PLCH1: variants seen among roughly 807,000 people sequenced by gnomAD.
PLCH1 encodes the protein 1-phosphatidylinositol 4,5-bisphosphate phosphodiesterase eta-1.
A neutral mutation model predicts 126.7 loss-of-function variants in PLCH1; 60 were observed. The observed-to-expected ratio is 0.47, with a 90% CI of 0.38 to 0.59. The LOEUF (loss-of-function observed/expected upper bound fraction) is 0.59, where lower values mean the gene tolerates loss of function less well. Ranked by LOEUF, PLCH1 falls within the 20% of genes least tolerant of loss-of-function variation. The probability of loss-of-function intolerance (pLI) is 0.00; values close to 1 mark genes in which losing one functional copy is unlikely to be tolerated. For synonymous variants in PLCH1, 719 were observed against 734.9 expected (o/e 0.98, Z 0.35); for missense variants, 1,723 against 2,040.0 (o/e 0.84, Z 2.99).
At chr3:155,497,105 G>C (rs1314773171) in intron 15 of PLCH1, among the ~76,000 whole-genome samples, 1 of 152,140 alleles carries the variant, frequency 6.6e-6, no homozygotes, top group Non-Finnish European at 1.5e-5. Flanking sequence ...AACTTTCTCT[G>C]GCCTCTGGTC....
At chr3:155,655,885 C>A (rs73156548) in intron 2 of PLCH1, among the ~76,000 whole-genome samples, 8,042 of 151,954 alleles carry the variant, frequency 0.053, 250 homozygotes, top group Middle Eastern at 0.11. Context: ...TTTTAAAATG[C>A]AAATTCTTTG....
At chr3:155,553,827 G>T (rs1471575318) in intron 9 of PLCH1, among the ~76,000 whole-genome samples, 3 of 152,200 alleles carry the variant, frequency 2.0e-5, no homozygotes, top group Non-Finnish European at 4.4e-5. Context: ...GTCACTATTT[G>T]CAAGAATGTC....
intron 2 of PLCH1, among the ~76,000 whole-genome samples, chr3:155,623,148 A>G (rs1489224040): frequency 6.6e-6 from 1 of 151,576 alleles, no homozygotes; most frequent in East Asian, 1.9e-4. Context: ...CTGAATCCTG[A>G]ATGACTACTG....
At position 155,482,589 on chromosome 3, in the gene PLCH1, G is replaced by C; in HGVS notation, c.3437C>G (p.Ser1146Ter). Residue 1146 changes from serine (S) to a stop codon, truncating the protein, a stop_gained, in exon 23 of 23, where the codon TCA becomes TGA. Transcript: ENST00000460012. LOFTEE classifies it low-confidence loss of function (END_TRUNC). ...GTCAGAACAGAGCATGGAGACGTCTGACAAAGAAAAGGATGTTGCAGCTCG... is the reference window on the plus strand; with the variant it reads ...GTCAGAACAGAGCATGGAGACGTCTCACAAAGAAAAGGATGTTGCAGCTCG... ...KGRAATSFSL[S>*]DVSMLCSDIP... The C allele has an allele frequency of 1.2e-6, 2 of 1,614,152 alleles. No individual in the cohort carries two copies. The highest frequency in any genetic ancestry group is 1.7e-6 in the Non-Finnish European group (2 of 1,180,010).
chr3:155,683,024 C>T (rs1202214762), intron 2 of PLCH1, among the ~76,000 whole-genome samples: 2 of 152,226 alleles, frequency 1.3e-5, no homozygotes, highest in African/African-American at 2.4e-5. Context: ...ATAGATCACA[C>T]ACACTTGTCA....
At chr3:155,629,684 T>A (rs982327364) in intron 2 of PLCH1, among the ~76,000 whole-genome samples, 1 of 152,124 alleles carries the variant, frequency 6.6e-6, no homozygotes, top group East Asian at 1.9e-4. Context: ...AATATGGTAT[T>A]TTTAAATGGT....
intron 6 of PLCH1, among the ~76,000 whole-genome samples, chr3:155,578,667 C>A (rs1047370828): frequency 6.6e-6 from 1 of 152,180 alleles, no homozygotes; most frequent in Non-Finnish European, 1.5e-5. Context: ...TATTATATCA[C>A]ACTATGACAG....
intron 21 of PLCH1, chr3:155,485,969 A>C: frequency 1.6e-6 from 1 of 606,076 alleles, no homozygotes; most frequent in South Asian, 2.1e-5. Context: ...GAGATGACAA[A>C]GTGGTAGGAA....
chr3:155,537,181 C>A, intron 10 of PLCH1, among the ~76,000 whole-genome samples: 1 of 91,920 alleles, frequency 1.1e-5, no homozygotes, highest in African/African-American at 4.7e-5. Flanking sequence ...ACCAAGCTAG[C>A]ACTACAAAAA....
At chr3:155,484,722 G>A (rs1442889490) in intron 22 of PLCH1, among the ~76,000 whole-genome samples, 1 of 152,120 alleles carries the variant, frequency 6.6e-6, no homozygotes. Context: ...CTCCTGATAT[G>A]AGTCAATGAT....
chr3:155,646,103 T>C (rs1740018726), intron 2 of PLCH1, among the ~76,000 whole-genome samples: 1 of 152,134 alleles, frequency 6.6e-6, no homozygotes, highest in Non-Finnish European at 1.5e-5. Context: ...GTGAAAGGTG[T>C]GTTTCTGGAG....
At chr3:155,563,811 A>G (rs1400215079) in intron 8 of PLCH1, among the ~76,000 whole-genome samples, 3 of 152,020 alleles carry the variant, frequency 2.0e-5, no homozygotes, top group Non-Finnish European at 4.4e-5. Flanking sequence ...GCTGACCCTC[A>G]GCTCCCTTCC....
At chr3:155,585,514 A>AT (rs1731240478) in intron 5 of PLCH1, among the ~76,000 whole-genome samples, 1 of 152,184 alleles carries the variant, frequency 6.6e-6, no homozygotes, top group Non-Finnish European at 1.5e-5. Flanking sequence ...ATGCCACAGA[A>AT]TAAGTCTGGG....
At chr3:155,573,208 G>GGA (rs1464862152) in intron 6 of PLCH1, among the ~76,000 whole-genome samples, 1 of 152,162 alleles carries the variant, frequency 6.6e-6, no homozygotes, top group Non-Finnish European at 1.5e-5. Context: ...CTTTATAGCA[G>GGA]AGGATTTCCT....
At chr3:155,725,835 T>G (rs1238340109) in intron 1 of PLCH1, among the ~76,000 whole-genome samples, 4 of 152,236 alleles carry the variant, frequency 2.6e-5, no homozygotes, top group African/African-American at 9.6e-5. Flanking sequence ...ACAATGGAAT[T>G]TATTTCAACA....
chr3:155,511,611 G>GTTA (rs1286898818), intron 12 of PLCH1, among the ~76,000 whole-genome samples: 2 of 140,210 alleles, frequency 1.4e-5, no homozygotes, highest in Non-Finnish European at 3.0e-5. Flanking sequence ...GGAATACCCT[G>GTTA]TGTGAGGTGT....
chr3:155,710,970 CTT>C (rs35033002), intron 1 of PLCH1, among the ~76,000 whole-genome samples: 16,697 of 136,038 alleles, frequency 0.12, 1,406 homozygotes, highest in East Asian at 0.39. Flanking sequence ...GCACTGTGGT[CTT>C]TTTTTTTTTT....
At position 155,598,123 on chromosome 3, in the gene PLCH1, G is replaced by T. The variant is rs188995931; in HGVS notation, c.80-1745C>A. On this transcript the variant is annotated intron_variant, in intron 2 of 22. Coordinates refer to ENST00000460012, the MANE Select transcript of PLCH1 (RefSeq NM_014996.4). Reference sequence around the variant, plus strand: ...TGCTTGAACCCGGGAGAAGGAGGTTGCAGTGAGGTGAGATCACGCCATTGC... The same window carrying T: ...TGCTTGAACCCGGGAGAAGGAGGTTTCAGTGAGGTGAGATCACGCCATTGC... Among the ~76,000 whole-genome samples, 450 of 152,136 alleles carry T rather than the reference G, an allele frequency of 3.0e-3. 2 individuals carry two copies. Among genetic ancestry groups the T allele is most frequent in the South Asian group, 0.019 (93 of 4,820 alleles).
At chr3:155,470,860 A>G (rs62276955) in intron 21 of PLCH1, among the ~76,000 whole-genome samples, 63,950 of 151,996 alleles carry the variant, frequency 0.42, 16,298 homozygotes, top group Middle Eastern at 0.55. Context: ...AAAATAATTT[A>G]CAAACAAGCA....
Sources: gnomAD v4.1 joint callset for allele counts (sites outside exome capture counted in the v4.1 genomes callset) on GRCh38, gnomAD v4.1.1 for gene constraint, MANE v1.5 for transcripts, NCBI Gene and HGNC (gene_info 2026-07-23, HGNC 2026-07-21) for gene names.